KCNMA1: variants seen among roughly 807,000 people sequenced by gnomAD.
The protein encoded by KCNMA1 is Calcium-activated potassium channel subunit alpha-1.
KCNMA1 carries 29 observed loss-of-function variants against 140.0 expected under a neutral mutation model. That is an observed-to-expected ratio of 0.21 (90% CI 0.15 to 0.28). The LOEUF (loss-of-function observed/expected upper bound fraction) is 0.28. Ranked by LOEUF, KCNMA1 falls within the 10% of genes least tolerant of loss-of-function variation. KCNMA1 has a pLI of 1.00. For missense variants in KCNMA1, 880 were observed against 1,602.2 expected (o/e 0.55, Z 7.70); for synonymous variants, 612 against 611.9 (o/e 1.00, Z 0.00).
chr10:77,402,806 A>G (rs994705044), intron 2 of KCNMA1, among the ~76,000 whole-genome samples: 2 of 151,794 alleles, frequency 1.3e-5, no homozygotes, highest in South Asian at 2.1e-4. Context: ...GGATGTCCCT[A>G]CTCCTTCCAT....
At chr10:77,601,841 T>A (rs1259414427) in intron 1 of KCNMA1, among the ~76,000 whole-genome samples, 1 of 152,192 alleles carries the variant, frequency 6.6e-6, no homozygotes, top group East Asian at 1.9e-4. Flanking sequence ...ACAGCAAATT[T>A]TTTGGACCAA....
At chr10:77,052,115 T>G (rs986652827) in intron 14 of KCNMA1, among the ~76,000 whole-genome samples, 1 of 152,308 alleles carries the variant, frequency 6.6e-6, no homozygotes, top group Middle Eastern at 3.4e-3. Context: ...GGCCTGTGAT[T>G]CATGGCTTCC....
At chr10:76,900,896 T>TAA (rs5786248) in intron 25 of KCNMA1, among the ~76,000 whole-genome samples, 11,429 of 146,190 alleles carry the variant, frequency 0.078, 1,446 homozygotes, top group African/African-American at 0.27. Context: ...CCCTATTTGT[T>TAA]AAAAAAAAAA....
chr10:77,186,116 G>A (rs1378780366), intron 3 of KCNMA1, among the ~76,000 whole-genome samples: 1 of 152,162 alleles, frequency 6.6e-6, no homozygotes, highest in Non-Finnish European at 1.5e-5. Flanking sequence ...CTGTTCAACA[G>A]GCAGGAATCT....
chr10:77,065,928 C>G (rs2095921655), intron 14 of KCNMA1, among the ~76,000 whole-genome samples: 1 of 152,060 alleles, frequency 6.6e-6, no homozygotes, highest in Admixed American at 6.6e-5. Flanking sequence ...GAATATCCAG[C>G]CAGAGGGAAC....
intron 21 of KCNMA1, among the ~76,000 whole-genome samples, chr10:76,953,447 A>C (rs1200135533): frequency 6.6e-6 from 1 of 152,096 alleles, no homozygotes; most frequent in Non-Finnish European, 1.5e-5. Flanking sequence ...GAAGTGCAAA[A>C]AGTCAAATGA....
At chr10:77,578,341 T>G (rs1415996606) in intron 1 of KCNMA1, among the ~76,000 whole-genome samples, 3 of 152,228 alleles carry the variant, frequency 2.0e-5, no homozygotes, top group African/African-American at 4.8e-5. Context: ...GGGACTCAAC[T>G]GCTCTGGGTT....
chr10:77,360,913 G>A (rs895454143), intron 2 of KCNMA1, among the ~76,000 whole-genome samples: 2 of 152,136 alleles, frequency 1.3e-5, no homozygotes, highest in Non-Finnish European at 2.9e-5. Flanking sequence ...GGATGAGGGA[G>A]CCGCAATGAT....
At chr10:77,052,979 C>T (rs1321442657) in intron 14 of KCNMA1, among the ~76,000 whole-genome samples, 1 of 152,176 alleles carries the variant, frequency 6.6e-6, no homozygotes, top group African/African-American at 2.4e-5. Flanking sequence ...AAACTTTCTG[C>T]CTCCTGAGAA....
chr10:77,354,446 A>G (rs1055474464), intron 2 of KCNMA1: 1 of 152,034 alleles, frequency 6.6e-6, no homozygotes, highest in African/African-American at 2.4e-5. Context: ...TTTTTTCACC[A>G]TTTGAGGACT....
At chr10:77,430,887 G>A (rs988047442) in intron 1 of KCNMA1, among the ~76,000 whole-genome samples, 8 of 152,280 alleles carry the variant, frequency 5.3e-5, no homozygotes, top group African/African-American at 1.9e-4. Flanking sequence ...CACATGCTAA[G>A]GACTTGTCCA....
At chr10:77,211,142 CAAAGCTGGAGGCATCAAACTACCA>C in intron 3 of KCNMA1, among the ~76,000 whole-genome samples, 1 of 151,822 alleles carries the variant, frequency 6.6e-6, no homozygotes, top group Non-Finnish European at 1.5e-5. Flanking sequence ...AACAAAAAAA[CAAAGCTGGAGGCATCAAACTACCA>C]ACAAAGCTGG....
rs114538373 is a variant in KCNMA1, at chr10:76,919,902, G to A, written c.2903-4853C>T. On this transcript the variant is annotated intron_variant, in intron 23 of 27. Coordinates refer to ENST00000286628, the MANE Select transcript of KCNMA1 (RefSeq NM_001161352.2). ...TCCCCTTCCCTATGGATAAAGAACT[G>A]AAGAAGTATTTAGTAGATTCTTAAA... 2.7e-3 allele frequency among the ~76,000 whole-genome samples: 410 copies of A among 150,280 alleles called. 2 individuals carry two copies. Among genetic ancestry groups the A allele is most frequent in the African/African-American group, 9.7e-3 (399 of 41,038 alleles).
chr10:76,905,418 G>A (rs4979876), intron 25 of KCNMA1, among the ~76,000 whole-genome samples: 13,748 of 152,180 alleles, frequency 0.09, 1,972 homozygotes, highest in African/African-American at 0.31. Context: ...GGATCCTCTC[G>A]CCAAGTCTGA....
intron 3 of KCNMA1, among the ~76,000 whole-genome samples, chr10:77,226,933 A>G (rs2051672856): frequency 6.6e-6 from 1 of 152,166 alleles, no homozygotes; most frequent in Non-Finnish European, 1.5e-5. Flanking sequence ...ATTACAAAAC[A>G]TGTTCTTTTT....
At chr10:77,425,588 T>C (rs940735892) in intron 1 of KCNMA1, among the ~76,000 whole-genome samples, 3 of 152,148 alleles carry the variant, frequency 2.0e-5, no homozygotes, top group Non-Finnish European at 2.9e-5. Flanking sequence ...CCCAGAGGCA[T>C]TGGTCTTGGG....
At chr10:77,127,700 T>C (rs1262411223) in intron 5 of KCNMA1, among the ~76,000 whole-genome samples, 1 of 152,110 alleles carries the variant, frequency 6.6e-6, no homozygotes, top group African/African-American at 2.4e-5. Context: ...AGGTCGGGCA[T>C]GGTGGCTCAT....
intron 1 of KCNMA1, among the ~76,000 whole-genome samples, chr10:77,622,283 CA>C (rs1310696341): frequency 6.6e-6 from 1 of 152,218 alleles, no homozygotes; most frequent in East Asian, 1.9e-4. Flanking sequence ...TCTCCAGGAA[CA>C]ACACACCACT....
chr10:77,272,649 T>TAC lies in KCNMA1; in HGVS notation c.541-21395_541-21394dup, dbSNP rs199713266. ...AAAATGAAGTAAATATATATATATA[T>TAC]ACACATGCATCTATATATGTGTATT... On this transcript the variant is annotated intron_variant, in intron 2 of 27. Coordinates refer to ENST00000286628, the MANE Select transcript of KCNMA1 (RefSeq NM_001161352.2). Among the ~76,000 whole-genome samples the TAC allele has an allele frequency of 8.4e-3, 1,282 of 152,110 alleles. 17 individuals carry two copies. Among genetic ancestry groups the TAC allele is most frequent in the African/African-American group, 0.029 (1,194 of 41,476 alleles).
Sources: allele counts gnomAD v4.1 joint callset (sites outside exome capture counted in the v4.1 genomes callset), GRCh38; gene constraint gnomAD v4.1.1; transcripts MANE v1.5; gene names NCBI Gene and HGNC (gene_info 2026-07-23, HGNC 2026-07-21).